The following ZXDC variants were observed in gnomAD, a reference collection of about 807,000 sequenced individuals.
The protein encoded by ZXDC is zinc finger protein ZXDC.
Under a neutral mutation model 63.6 loss-of-function variants are expected in ZXDC, and 58 were observed. The observed-to-expected ratio is 0.91, with a 90% CI of 0.74 to 1.13. The LOEUF (loss-of-function observed/expected upper bound fraction) is 1.13, where lower values mean the gene tolerates loss of function less well. Among genes scored for constraint, ZXDC ranks in the 50% most tolerant of loss-of-function variants. The pLI, the probability that ZXDC is intolerant of heterozygous loss-of-function variation, is 0.00. For synonymous variants in ZXDC, 561 were observed against 496.1 expected (o/e 1.13, Z -1.74); for missense variants, 1,133 against 1,148.9 (o/e 0.99, Z 0.20).
rs1283660517 is a variant in ZXDC, at chr3:126,466,147, G to A, written c.1441+8C>T. The A allele has an allele frequency of 8.7e-6, 14 of 1,611,380 alleles. No homozygotes were observed. Among genetic ancestry groups the A allele is most frequent in the Non-Finnish European group, 1.2e-5 (14 of 1,178,438 alleles). On this transcript the variant is annotated splice_region_variant and intron_variant, in intron 5 of 9. Transcript: ENST00000389709. ...CAGCTCCCCATGGGGGCCGTGGAAA[G>A]TGCAGACCTTGGCGCCGGCTGTGCT...
At chr3:126,449,500 T>C (rs1336746509) in intron 7 of ZXDC, among the ~76,000 whole-genome samples, 1 of 152,248 alleles carries the variant, frequency 6.6e-6, no homozygotes, top group Non-Finnish European at 1.5e-5. Flanking sequence ...CTAGGCAACC[T>C]GCCCCAGGCT....
chr3:126,461,725 G>C lies in ZXDC; in HGVS notation c.1937C>G (p.Pro646Arg), dbSNP rs767596833. ...HITTPTSSST[P>R]RENASVPELL... ...TTCCGGGACACTGGCATTTTCTCGG[G>C]GGGTGCTCGAAGAGGTCGGTGTGGT... Residue 646 changes from proline (P) to arginine (R), a missense_variant, in exon 6 of 10, where the codon CCC becomes CGC. By Grantham distance (103) the Pro-to-Arg change is moderately radical. Coordinates refer to ENST00000389709, the MANE Select transcript of ZXDC (RefSeq NM_025112.5). The C allele has an allele frequency of 3.2e-5, 52 of 1,613,736 alleles. No homozygotes were observed. In the Admixed American group the frequency reaches 6.2e-4, roughly 19 times the overall value.
intron 7 of ZXDC, chr3:126,457,164 A>C: frequency 2.9e-6 from 2 of 691,050 alleles, no homozygotes; most frequent in Non-Finnish European, 3.6e-6. Context: ...GTCTGGTCAC[A>C]TTCACATCAA....
At position 126,459,927 on chromosome 3, in the gene ZXDC, G is replaced by C. The variant is rs112242472; in HGVS notation, c.2128-190C>G. On this transcript the variant is annotated intron_variant, in intron 6 of 9. Coordinates refer to ENST00000389709, the MANE Select transcript of ZXDC (RefSeq NM_025112.5). ...CGAGGGCCGAACAAACTTGGAGCTGGAACAATGTATGTGACTTTCTTATCC... is the reference window on the plus strand; with the variant it reads ...CGAGGGCCGAACAAACTTGGAGCTGCAACAATGTATGTGACTTTCTTATCC... 2.9e-3 allele frequency: 2,873 copies of C among 985,462 alleles called. 4 individuals carry two copies. The highest frequency in any genetic ancestry group is 3.3e-3 in the Non-Finnish European group (2,725 of 829,944). 61.0% of individuals were successfully genotyped at this position (985,462 alleles called of 1,614,324 possible). A position where few individuals can be genotyped will look rare whatever the true frequency, so the allele number is the denominator to read the frequency against.
At chr3:126,447,855 T>G (rs1465561560) in intron 7 of ZXDC, among the ~76,000 whole-genome samples, 1 of 152,224 alleles carries the variant, frequency 6.6e-6, no homozygotes, top group African/African-American at 2.4e-5. Context: ...GCTGTCCATG[T>G]GCTGGTATTT....
In ZXDC at chr3:126,475,631, G is replaced by C; in HGVS notation, c.235C>G (p.Leu79Val). 1 of 1,474,728 alleles carries C rather than the reference G, an allele frequency of 6.8e-7. No homozygotes were observed. The highest frequency in any genetic ancestry group is 1.9e-4 in the Middle Eastern group (1 of 5,386). 91.4% of individuals were successfully genotyped at this position (1,474,728 alleles called of 1,614,324 possible). A position where few individuals can be genotyped will look rare whatever the true frequency, so the allele number is the denominator to read the frequency against. Residue 79 changes from leucine to valine, a missense_variant, in exon 1 of 10, where the codon CTG (leucine) becomes GTG (valine). Leu to Val is a conservative substitution (Grantham distance 32, BLOSUM62 1). Coordinates refer to ENST00000389709, the MANE Select transcript of ZXDC (RefSeq NM_025112.5). ...DSDGDSFLVL[L>V]EVPHGGAAAE... ...GCAGCGCCGCCGTGCGGCACTTCCA[G>C]CAGCACCAAGAAAGAGTCGCCGTCG...
chr3:126,466,893 C>T (rs917337133), intron 4 of ZXDC, among the ~76,000 whole-genome samples: 1 of 152,142 alleles, frequency 6.6e-6, no homozygotes, highest in Non-Finnish European at 1.5e-5. Context: ...TGCACACAGG[C>T]ATCAGAGGAA....
At chr3:126,438,620 A>AC (rs1560086245) in intron 9 of ZXDC, among the ~76,000 whole-genome samples, 159 bp from the exon 10 acceptor site, 2 of 98,328 alleles carry the variant, frequency 2.0e-5, no homozygotes, top group African/African-American at 1.2e-4. Flanking sequence ...ATGTTCTTTG[A>AC]TGAAAAATGA....
At chr3:126,457,202 G>C (rs1934342738) in intron 7 of ZXDC, 1 of 948,740 alleles carries the variant, frequency 1.1e-6, no homozygotes, top group South Asian at 4.9e-5. Flanking sequence ...CAGGACTGCG[G>C]CCACAGGGGA....
intron 5 of ZXDC, among the ~76,000 whole-genome samples, chr3:126,462,546 A>T (rs1934598946): frequency 6.6e-6 from 1 of 152,196 alleles, no homozygotes; most frequent in Non-Finnish European, 1.5e-5. Flanking sequence ...GCCAACTGGT[A>T]ACAGCAAGAA....
intron 3 of ZXDC, among the ~76,000 whole-genome samples, chr3:126,471,286 T>C (rs1014623224): frequency 3.9e-5 from 6 of 152,190 alleles, no homozygotes; most frequent in African/African-American, 9.7e-5. Context: ...TATAAGCTAA[T>C]CTAAGAACAG....
intron 6 of ZXDC, chr3:126,460,288 G>C (rs962617755): frequency 1.3e-5 from 7 of 526,064 alleles, no homozygotes; most frequent in African/African-American, 2.1e-5. Context: ...ATCAGCTGTT[G>C]CAAGTCTGTG....
chr3:126,443,714 A>G (rs1405011921), intron 7 of ZXDC, among the ~76,000 whole-genome samples: 1 of 152,224 alleles, frequency 6.6e-6, no homozygotes, highest in Non-Finnish European at 1.5e-5. Flanking sequence ...ATGCATTTCT[A>G]TGCTTTCAAG....
At chr3:126,454,811 A>G (rs1027152431) in intron 7 of ZXDC, 1 of 985,368 alleles carries the variant, frequency 1.0e-6, no homozygotes, top group African/African-American at 1.7e-5. Flanking sequence ...TTTCAAGAAT[A>G]AAACTTGACA....
At chr3:126,440,474 G>A in intron 8 of ZXDC, 1 of 985,466 alleles carries the variant, frequency 1.0e-6, no homozygotes, top group Non-Finnish European at 1.2e-6. Flanking sequence ...CTCAAACCCA[G>A]GTTTAATCAG....
At chr3:126,474,101 G>C (rs1426661534) in intron 1 of ZXDC, among the ~76,000 whole-genome samples, 1 of 138,692 alleles carries the variant, frequency 7.2e-6, no homozygotes, top group Non-Finnish European at 1.5e-5. Context: ...GTCTCGCTCT[G>C]TCGCCCCGGC....
Position 126,455,772 on chromosome 3 carries a change from C to T in ZXDC, c.2212+3881G>A, listed in dbSNP as rs549588936. On this transcript the variant is annotated intron_variant, in intron 7 of 9. Coordinates refer to ENST00000389709, the MANE Select transcript of ZXDC (RefSeq NM_025112.5). ...CAGCACTTTGGGAGGCCGAGGCGGG[C>T]GGATCACAAGGTCAGGAGATGGAGA... is the stretch of plus-strand genomic sequence containing the variant. Among the ~76,000 whole-genome samples the T allele has an allele frequency of 8.6e-5, 13 of 151,870 alleles. No homozygotes were observed. In the South Asian group the frequency reaches 2.5e-3, roughly 29 times the overall value.
Position 126,462,030 on chromosome 3 carries a change from A to C in ZXDC, c.1632T>G (p.Ser544=). The change falls in exon 6 of 10, where the codon TCT becomes TCG. Residue 544 remains serine (S), a synonymous_variant. Coordinates refer to ENST00000389709, the MANE Select transcript of ZXDC (RefSeq NM_025112.5). ...GGTTCCCTCCCAGAGAGGAGCTCAC[A>C]GAAGTGACGTCAATAGTCAGGATTC... is the stretch of plus-strand genomic sequence containing the variant. ...NSGILTIDVT[S]VSSSLGGNLP... The C allele has an allele frequency of 6.2e-7, 1 of 1,614,150 alleles. No individual in the cohort carries two copies. Among genetic ancestry groups the C allele is most frequent in the Non-Finnish European group, 8.5e-7 (1 of 1,180,028 alleles).
chr3:126,460,442 G>T, intron 6 of ZXDC: 1 of 983,276 alleles, frequency 1.0e-6, no homozygotes, highest in Non-Finnish European at 1.2e-6. Context: ...CACACAGCTA[G>T]CAAGAAAATG....
Sources: allele counts gnomAD v4.1 joint callset (sites outside exome capture counted in the v4.1 genomes callset), GRCh38; gene constraint gnomAD v4.1.1; transcripts MANE v1.5; gene names NCBI Gene and HGNC (gene_info 2026-07-23, HGNC 2026-07-21).